The following EYS variants were observed in gnomAD, a reference collection of about 807,000 sequenced individuals.
EYS encodes the protein EGF-like photoreceptor maintenance factor.
Under a neutral mutation model 282.1 loss-of-function variants are expected in EYS, and 250 were observed. The ratio of observed to expected loss-of-function variants is 0.89; its 90% CI spans 0.80 to 0.98. The LOEUF (loss-of-function observed/expected upper bound fraction) is 0.98, where lower values mean the gene tolerates loss of function less well. Ranked by LOEUF, EYS falls within the 50% of genes least tolerant of loss-of-function variation. The pLI, the probability that EYS is intolerant of heterozygous loss-of-function variation, is 0.00. For missense variants in EYS, 4,016 were observed against 3,709.0 expected (o/e 1.08, Z -2.15); for synonymous variants, 1,355 against 1,282.9 (o/e 1.06, Z -1.20).
chr6:65,345,209 G>C (rs1338293188), intron 9 of EYS, among the ~76,000 whole-genome samples: 1 of 151,674 alleles, frequency 6.6e-6, no homozygotes, highest in Non-Finnish European at 1.5e-5. Context: ...TATGTAATTT[G>C]ACTGTTTATA....
intron 26 of EYS, among the ~76,000 whole-genome samples, chr6:64,440,430 G>A (rs1396020603): frequency 6.6e-6 from 1 of 152,038 alleles, no homozygotes; most frequent in East Asian, 1.9e-4. Flanking sequence ...GTGCCAGGAA[G>A]CATTTGCACT....
At chr6:64,515,686 T>C (rs1239129055) in intron 26 of EYS, among the ~76,000 whole-genome samples, 1 of 151,634 alleles carries the variant, frequency 6.6e-6, no homozygotes, top group Admixed American at 6.6e-5. Context: ...TGTGACAAAA[T>C]CTTTAGGCAA....
At chr6:64,993,586 G>T (rs543467547) in intron 14 of EYS, among the ~76,000 whole-genome samples, 1 of 104,824 alleles carries the variant, frequency 9.5e-6, no homozygotes, top group African/African-American at 3.7e-5. Context: ...TGGGGTGGGG[G>T]GAGGGGGGAG....
intron 41 of EYS, among the ~76,000 whole-genome samples, chr6:63,753,040 A>C (rs1360758423): frequency 1.4e-5 from 2 of 146,946 alleles, no homozygotes; most frequent in African/African-American, 5.0e-5. Context: ...GTCCCTTCTT[A>C]ATTTTTCCAT....
intron 26 of EYS, among the ~76,000 whole-genome samples, chr6:64,587,756 T>C: frequency 6.6e-6 from 1 of 152,026 alleles, no homozygotes; most frequent in East Asian, 1.9e-4. Context: ...CATCTGCATC[T>C]AAATTGTGTA....
At chr6:64,369,062 C>G (rs773442745) in intron 29 of EYS, among the ~76,000 whole-genome samples, 1 of 152,064 alleles carries the variant, frequency 6.6e-6, no homozygotes, top group Non-Finnish European at 1.5e-5. Context: ...TTTTAACCAC[C>G]TTGAGTTAAT....
intron 31 of EYS, among the ~76,000 whole-genome samples, chr6:64,095,203 T>A (rs902831753): frequency 4.6e-5 from 7 of 152,196 alleles, no homozygotes; most frequent in South Asian, 2.1e-4. Flanking sequence ...ATAGGTGTGG[T>A]GTGATGCTGA....
intron 26 of EYS, among the ~76,000 whole-genome samples, chr6:64,560,970 C>T (rs1765376456): frequency 2.0e-5 from 3 of 152,240 alleles, no homozygotes; most frequent in African/African-American, 7.2e-5. Flanking sequence ...AATCTAGCAG[C>T]ACATCAAAAA....
At chr6:64,386,832 C>G (rs748342548) in intron 29 of EYS, among the ~76,000 whole-genome samples, 12 of 152,078 alleles carry the variant, frequency 7.9e-5, no homozygotes, top group Non-Finnish European at 1.8e-4. Context: ...TTATTCTGAA[C>G]AAACCTGACT....
At chr6:65,513,484 C>T (rs1388368099) in intron 2 of EYS, among the ~76,000 whole-genome samples, 1 of 151,742 alleles carries the variant, frequency 6.6e-6, no homozygotes, top group Non-Finnish European at 1.5e-5. Context: ...AGAGACACAA[C>T]CAAAAAAGAG....
At chr6:65,685,279 A>AT (rs931764652) in intron 1 of EYS, among the ~76,000 whole-genome samples, 21 of 152,070 alleles carry the variant, frequency 1.4e-4, no homozygotes, top group African/African-American at 5.1e-4. Context: ...TTTCAGCAGC[A>AT]TTTTTTCTCT....
intron 11 of EYS, among the ~76,000 whole-genome samples, chr6:65,298,973 G>T (rs751672183): frequency 3.9e-5 from 6 of 151,970 alleles, no homozygotes; most frequent in Non-Finnish European, 8.8e-5. Context: ...GGAAGTCCTT[G>T]TACAAATATA....
chr6:64,571,755 T>C (rs1413724132), intron 26 of EYS, among the ~76,000 whole-genome samples: 1 of 152,088 alleles, frequency 6.6e-6, no homozygotes, highest in East Asian at 1.9e-4. Context: ...AATAGACCAA[T>C]AACAAGTTCT....
At chr6:63,895,179 TA>T (rs1773505962) in intron 35 of EYS, among the ~76,000 whole-genome samples, 1 of 151,762 alleles carries the variant, frequency 6.6e-6, no homozygotes, top group Non-Finnish European at 1.5e-5. Flanking sequence ...GCATTGTACA[TA>T]AATATTTGAT....
chr6:63,827,761 G>T (rs533515289), intron 36 of EYS, among the ~76,000 whole-genome samples: 3 of 150,780 alleles, frequency 2.0e-5, no homozygotes, highest in African/African-American at 7.3e-5. Context: ...GGAGAATGGC[G>T]TGAACCCGGG....
At chr6:65,194,385 A>T (rs185524314) in intron 12 of EYS, among the ~76,000 whole-genome samples, 78 of 152,112 alleles carry the variant, frequency 5.1e-4, no homozygotes, top group African/African-American at 1.7e-3. Context: ...GAATATTCAT[A>T]GTCACATTCT....
intron 13 of EYS, among the ~76,000 whole-genome samples, chr6:65,036,109 C>G (rs1474316646): frequency 1.3e-5 from 2 of 151,616 alleles, no homozygotes; most frequent in Admixed American, 6.6e-5. Flanking sequence ...ACCAAAACAG[C>G]AGGCACTGGT....
At chr6:64,299,683 C>A (rs1769166773) in intron 30 of EYS, among the ~76,000 whole-genome samples, 1 of 152,344 alleles carries the variant, frequency 6.6e-6, no homozygotes, top group Non-Finnish European at 1.5e-5. Context: ...CTGCTTAAAG[C>A]TGGTGAAGCC....
At chr6:63,982,493 G>A (rs1279356867) in intron 35 of EYS, among the ~76,000 whole-genome samples, 1 of 151,764 alleles carries the variant, frequency 6.6e-6, no homozygotes, top group African/African-American at 2.4e-5. Context: ...GTCAGCCAGG[G>A]GACACCCTCA....
Sources: allele counts gnomAD v4.1 joint callset (sites outside exome capture counted in the v4.1 genomes callset), GRCh38; gene constraint gnomAD v4.1.1; transcripts MANE v1.5; gene names NCBI Gene and HGNC (gene_info 2026-07-23, HGNC 2026-07-21).